The following UNC13B variants were observed in gnomAD, a reference collection of about 807,000 sequenced individuals.
The protein encoded by UNC13B is unc-13 homolog B.
A neutral mutation model predicts 211.0 loss-of-function variants in UNC13B; 144 were observed. That is an observed-to-expected ratio of 0.68 (90% CI 0.60 to 0.78). The LOEUF (loss-of-function observed/expected upper bound fraction) is 0.78, where lower values mean the gene tolerates loss of function less well. Ranked by LOEUF, UNC13B falls within the 30% of genes least tolerant of loss-of-function variation. UNC13B has a pLI of 0.00. For synonymous variants in UNC13B, 709 were observed against 725.8 expected, an observed-to-expected ratio of 0.98 and a Z score of 0.37; for missense variants, 1,777 against 2,002.0, an observed-to-expected ratio of 0.89 and a Z score of 2.14.
chr9:35,334,212 C>T (rs751456696), intron 11 of UNC13B, among the ~76,000 whole-genome samples: 3 of 152,156 alleles, frequency 2.0e-5, no homozygotes, highest in African/African-American at 4.8e-5. Context: ...GTGATCTGCC[C>T]GCTCTGGCCT....
intron 1 of UNC13B, among the ~76,000 whole-genome samples, chr9:35,170,619 C>G (rs1821283869): frequency 6.6e-6 from 1 of 151,854 alleles, no homozygotes; most frequent in Non-Finnish European, 1.5e-5. Flanking sequence ...CAGGTGTGAA[C>G]TACCATGCTT....
At chr9:35,262,092 T>C (rs1230580622) in intron 7 of UNC13B, among the ~76,000 whole-genome samples, 1 of 152,054 alleles carries the variant, frequency 6.6e-6, no homozygotes, top group Non-Finnish European at 1.5e-5. Flanking sequence ...AACATAGGAG[T>C]GCAGATATCT....
At position 35,376,120 on chromosome 9, in the gene UNC13B, C is replaced by A. The variant is rs753975281; in HGVS notation, c.9708C>A (p.Thr3236=). 3.7e-6 allele frequency: 6 copies of A among 1,614,262 alleles called. No homozygotes were observed. Among genetic ancestry groups the A allele is most frequent in the Non-Finnish European group, 5.1e-6 (6 of 1,180,054 alleles). ...ACTTTGAGGTCTGGACGGCCACTAC[C>A]CCAACCTACTGCTATGAGTGTGAAG... ...PHNFEVWTAT[T]PTYCYECEGL... The change falls in exon 15 of 40, where the codon ACC becomes ACA. Residue 3236 remains threonine (T), a synonymous_variant. Coordinates refer to ENST00000635942, the MANE Select transcript of UNC13B (RefSeq NM_001371189.2).
intron 6 of UNC13B, among the ~76,000 whole-genome samples, chr9:35,251,367 A>C (rs113383550): frequency 0.017 from 2,563 of 152,186 alleles, 57 homozygotes; most frequent in African/African-American, 0.059. Flanking sequence ...TGGTCAGACC[A>C]CTTGAGGTCA....
At position 35,295,615 on chromosome 9, in the gene UNC13B, T is replaced by C. The variant is rs2131798924; in HGVS notation, c.527-81T>C. ...TTTTGTTCTCAAGGTCCAGACTTGT[T>C]ACTACTAAGTTAGAAGCAGAAATAA... On this transcript the variant is annotated intron_variant, in intron 7 of 39. Coordinates refer to ENST00000635942, the MANE Select transcript of UNC13B (RefSeq NM_001371189.2). The C allele has an allele frequency of 5.8e-6, 8 of 1,377,362 alleles. 1 individual carries two copies. In the South Asian group the frequency reaches 9.1e-5, roughly 16 times the overall value. The allele number at this position is 1,377,362 out of a possible 1,614,324, so 85.3% of individuals were successfully genotyped here.
chr9:35,289,466 C>G (rs765164969), intron 7 of UNC13B, among the ~76,000 whole-genome samples: 1 of 152,046 alleles, frequency 6.6e-6, no homozygotes, highest in Non-Finnish European at 1.5e-5. Context: ...AACCTGGTAA[C>G]GTGACAAAAT....
chr9:35,349,644 G>A (rs955107803), intron 11 of UNC13B, among the ~76,000 whole-genome samples: 1 of 152,178 alleles, frequency 6.6e-6, no homozygotes, highest in Non-Finnish European at 1.5e-5. Context: ...ATGAATTAGA[G>A]TTGTTAGATA....
chr9:35,299,302 A>T (rs1477488907), intron 8 of UNC13B, among the ~76,000 whole-genome samples: 3 of 152,224 alleles, frequency 2.0e-5, no homozygotes, highest in Admixed American at 2.0e-4. Context: ...ACTTCTGCTG[A>T]TAGTAAAAAA....
At position 35,398,661 on chromosome 9, in the gene UNC13B, C is replaced by T. The variant is rs1310372672; in HGVS notation, c.11921+19C>T. On this transcript the variant is annotated intron_variant, in intron 32 of 39. Coordinates refer to ENST00000635942, the MANE Select transcript of UNC13B (RefSeq NM_001371189.2). ...GAAACAGGTCAGTGACCCCACAATACAAGGCCCTCAGAGCCAGATGTGGTC... is the reference window on the plus strand; with the variant it reads ...GAAACAGGTCAGTGACCCCACAATATAAGGCCCTCAGAGCCAGATGTGGTC... 6.2e-7 allele frequency: 1 copy of T among 1,613,082 alleles called. No individual in the cohort carries two copies.
In UNC13B at chr9:35,375,168, G is replaced by A. The variant is rs748150499; in HGVS notation, c.9582G>A (p.Met3194Ile). ...GGAAGGCAGGAATCACTTCTGCAAT[G>A]GCTACACGCACTTCTCTTAAGGACG... The part of the protein sequence containing the change: ...QSRKAGITSA[M>I]ATRTSLKDEE... Residue 3194 changes from methionine (M) to isoleucine (I), a missense_variant, in exon 14 of 40, where the codon ATG (methionine) becomes ATA (isoleucine). By Grantham distance (10) the Met-to-Ile change is conservative (BLOSUM62 1). Transcript: ENST00000635942. 1.9e-6 allele frequency: 3 copies of A among 1,614,148 alleles called. No individual in the cohort carries two copies. Among genetic ancestry groups the A allele is most frequent in the South Asian group, 2.2e-5 (2 of 91,080 alleles).
At chr9:35,247,582 A>T (rs562470837) in intron 6 of UNC13B, among the ~76,000 whole-genome samples, 2 of 152,124 alleles carry the variant, frequency 1.3e-5, no homozygotes, top group South Asian at 2.1e-4. Context: ...CAATTTTGTC[A>T]AAGACCTTTT....
At chr9:35,227,400 A>C (rs1426134612) in intron 1 of UNC13B, among the ~76,000 whole-genome samples, 1 of 151,462 alleles carries the variant, frequency 6.6e-6, no homozygotes, top group African/African-American at 2.4e-5. Flanking sequence ...TTTGATAGCT[A>C]CTTGGTGCTT....
intron 5 of UNC13B, among the ~76,000 whole-genome samples, chr9:35,241,135 A>C (rs1825784722): frequency 6.6e-6 from 1 of 151,984 alleles, no homozygotes; most frequent in Admixed American, 6.6e-5. Context: ...GTCACTAAGT[A>C]TTTACATATG....
intron 22 of UNC13B, chr9:35,385,217 C>T: frequency 1.0e-6 from 1 of 985,464 alleles, no homozygotes; most frequent in Non-Finnish European, 1.2e-6. Context: ...ACTCCAAAAG[C>T]AGTTCTGCTC....
chr9:35,315,077 A>C (rs1830384715), intron 11 of UNC13B, among the ~76,000 whole-genome samples: 1 of 142,640 alleles, frequency 7.0e-6, no homozygotes, highest in African/African-American at 2.6e-5. Flanking sequence ...TTTTTTGTAG[A>C]TGCAGGGTCT....
At chr9:35,364,010 C>T (rs747914420) in intron 11 of UNC13B, among the ~76,000 whole-genome samples, 2 of 152,158 alleles carry the variant, frequency 1.3e-5, no homozygotes, top group Admixed American at 1.3e-4. Flanking sequence ...ATTTCAGGTC[C>T]GAGAAACGGG....
chr9:35,175,533 A>G (rs1821576202), intron 1 of UNC13B, among the ~76,000 whole-genome samples: 1 of 152,196 alleles, frequency 6.6e-6, no homozygotes, highest in Admixed American at 6.5e-5. Context: ...GATAGAGGTG[A>G]AGGAGACTTG....
rs1829645343 is a variant in UNC13B at position 35,300,892 on chromosome 9, T to C, written c.1488T>C (p.Asn496=). 1 of 398,904 alleles carries C rather than the reference T, an allele frequency of 2.5e-6. No individual in the cohort carries two copies. Among genetic ancestry groups the C allele is most frequent in the Non-Finnish European group, 4.4e-6 (1 of 225,976 alleles). The allele number at this position is 398,904 out of a possible 1,614,324, so 24.7% of individuals were successfully genotyped here. A position where few individuals can be genotyped will look rare whatever the true frequency, so the allele number is the denominator to read the frequency against. ...LSKTKKSHKQ[N]STLDAEQRTP... ...AAACTAAAAAATCACATAAACAAAA[T>C]AGTACTCTTGATGCAGAACAGAGAA... The change falls in exon 9 of 40, where the codon AAT becomes AAC. Residue 496 remains asparagine, a synonymous_variant. Transcript: ENST00000635942.
chr9:35,355,752 G>A (rs998645270), intron 11 of UNC13B, among the ~76,000 whole-genome samples: 1 of 152,134 alleles, frequency 6.6e-6, no homozygotes, highest in Non-Finnish European at 1.5e-5. Flanking sequence ...CAGCTGTGAG[G>A]GATTTCTCTG....
Sources: allele counts gnomAD v4.1 joint callset (sites outside exome capture counted in the v4.1 genomes callset), GRCh38; gene constraint gnomAD v4.1.1; transcripts MANE v1.5; gene names NCBI Gene and HGNC (gene_info 2026-07-23, HGNC 2026-07-21).